Variants in RAB21 observed in about 807,000 individuals in gnomAD.
RAB21 encodes the protein ras-related protein Rab-21.
RAB21 carries 13 observed loss-of-function variants against 33.1 expected under a neutral mutation model. The observed-to-expected ratio is 0.39, with a 90% confidence interval of 0.26 to 0.62. The LOEUF is 0.62. RAB21 is among the 20% of genes least tolerant of loss of function. The pLI is 0.48. For missense variants in RAB21, 234 were observed against 279.1 expected (o/e 0.84, Z 1.15); for synonymous variants, 91 against 103.7 (o/e 0.88, Z 0.74).
At chr12:71,769,890 G>T in intron 2 of RAB21, 31 bp downstream of exon 2, 1 of 1,205,556 alleles carries the variant, frequency 8.3e-7, no homozygotes, top group Non-Finnish European at 1.1e-6. Flanking sequence ...ATTATGCGTG[G>T]AGGCTTCTTC....
In RAB21 at chr12:71,788,400, A is replaced by C. The variant is rs904638538; in HGVS notation, c.*2727A>C. Reference sequence around the variant, plus strand: ...GGGGCCTGTAATTGAGGCTAATTCAATAGCAACAATAGACAACATGATATG... The same window carrying C: ...GGGGCCTGTAATTGAGGCTAATTCACTAGCAACAATAGACAACATGATATG... On this transcript the variant is annotated 3_prime_UTR_variant, in exon 7 of 7. Coordinates refer to ENST00000261263, the MANE Select transcript of RAB21 (RefSeq NM_014999.4). 4 of 152,090 alleles carry C rather than the reference A, an allele frequency of 2.6e-5. No homozygotes were observed. Among genetic ancestry groups the C allele is most frequent in the Non-Finnish European group, 5.9e-5 (4 of 68,014 alleles). The allele number at this position is 152,090 out of a possible 1,614,324, so 9.4% of individuals were successfully genotyped here. A position where few individuals can be genotyped will look rare whatever the true frequency, so the allele number is the denominator to read the frequency against.
Position 71,785,630 on chromosome 12 carries a change from C to G in RAB21, c.635C>G (p.Pro212Arg). The G allele has an allele frequency of 6.2e-7, 1 of 1,614,126 alleles. No individual in the cohort carries two copies. The highest frequency in any genetic ancestry group is 8.5e-7 in the Non-Finnish European group (1 of 1,180,018). The change falls in exon 7 of 7, where the codon CCT becomes CGT. Residue 212 changes from proline (P) to arginine (R), a missense_variant. Physicochemically the swap from Pro to Arg is moderately radical, Grantham distance 103 (BLOSUM62 -2). Coordinates refer to ENST00000261263, the MANE Select transcript of RAB21 (RefSeq NM_014999.4). ...GGTGTACAGATTATTGATGATGAAC[C>G]TCAAGCCCAGACCAGTGGTGGAGGG... is the stretch of plus-strand genomic sequence containing the variant. ...RRGVQIIDDE[P>R]QAQTSGGGCC...
intron 1 of RAB21, among the ~76,000 whole-genome samples, chr12:71,761,702 T>TAAATTTA (rs1348221426): frequency 1.3e-5 from 2 of 151,974 alleles, no homozygotes; most frequent in African/African-American, 4.8e-5. Context: ...AAAAAATAAA[T>TAAATTTA]AAATTTAAAA....
chr12:71,759,649 A>ACTC (rs1882840971), intron 1 of RAB21, among the ~76,000 whole-genome samples: 1 of 152,208 alleles, frequency 6.6e-6, no homozygotes. Context: ...GTAAACATTT[A>ACTC]CTCCAGCATT....
At chr12:71,781,120 T>A (rs1399380604) in intron 4 of RAB21, among the ~76,000 whole-genome samples, 1 of 152,192 alleles carries the variant, frequency 6.6e-6, no homozygotes, top group East Asian at 1.9e-4. Flanking sequence ...TAAATCTGCA[T>A]GATATACATA....
Position 71,754,959 on chromosome 12 carries a change from C to T in RAB21, c.-171C>T. 1.9e-6 allele frequency: 1 copy of T among 530,226 alleles called. No individual in the cohort carries two copies. Among genetic ancestry groups the T allele is most frequent in the Non-Finnish European group, 2.4e-6 (1 of 411,118 alleles). 32.8% of individuals were successfully genotyped at this position (530,226 alleles called of 1,614,324 possible). ...GTGGTGGGCTGGGGCCCTTCATTCTCGGACTTTCCCTCAGCCCTTCCAGGC... is the reference window on the plus strand; with the variant it reads ...GTGGTGGGCTGGGGCCCTTCATTCTTGGACTTTCCCTCAGCCCTTCCAGGC... On this transcript the variant is annotated 5_prime_UTR_variant, in exon 1 of 7. Coordinates refer to ENST00000261263, the MANE Select transcript of RAB21 (RefSeq NM_014999.4).
Position 71,795,524 on chromosome 12 carries a change from G to C in RAB21, c.*9851G>C, listed in dbSNP as rs1185919185. Reference sequence around the variant, plus strand: ...TTAAGGTTAACTAATACCTCTTTCAGAGTTGGGCAAAAGAAGAAAAAAAAA... The same window carrying C: ...TTAAGGTTAACTAATACCTCTTTCACAGTTGGGCAAAAGAAGAAAAAAAAA... On this transcript the variant is annotated 3_prime_UTR_variant, in exon 7 of 7. Coordinates refer to ENST00000261263, the MANE Select transcript of RAB21 (RefSeq NM_014999.4). The C allele has an allele frequency of 1.5e-5, 2 of 136,620 alleles. 1 individual carries two copies. Among genetic ancestry groups the C allele is most frequent in the African/African-American group, 5.9e-5 (2 of 33,714 alleles). 8.5% of individuals were successfully genotyped at this position (136,620 alleles called of 1,614,324 possible).
At chr12:71,769,306 A>C (rs1331099396) in intron 1 of RAB21, among the ~76,000 whole-genome samples, 2 of 152,336 alleles carry the variant, frequency 1.3e-5, no homozygotes, top group South Asian at 2.1e-4. Context: ...TAAAGGGTAG[A>C]ACCGTGTCCC....
Position 71,769,794 on chromosome 12 carries a change from T to C in RAB21, c.160-6T>C. 7.5e-7 allele frequency: 1 copy of C among 1,339,494 alleles called. No individual in the cohort carries two copies. Among genetic ancestry groups the C allele is most frequent in the Non-Finnish European group, 1.0e-6 (1 of 999,022 alleles). 83.0% of individuals were successfully genotyped at this position (1,339,494 alleles called of 1,614,324 possible). A position where few individuals can be genotyped will look rare whatever the true frequency, so the allele number is the denominator to read the frequency against. On this transcript the variant is annotated splice_region_variant and splice_polypyrimidine_tract_variant and intron_variant, in intron 1 of 6. Coordinates refer to ENST00000261263, the MANE Select transcript of RAB21 (RefSeq NM_014999.4). Reference sequence around the variant, plus strand: ...AACATTGTTTAATGTTTATTTCTCTTTTTAGGCATCATTCTTAACAAAGAA... The same window carrying C: ...AACATTGTTTAATGTTTATTTCTCTCTTTAGGCATCATTCTTAACAAAGAA...
rs1883391299 is a variant in RAB21, at chr12:71,791,954, T to C, written c.*6281T>C. ...ATCATAGCTCATTGCAGCCTCAAAC[T>C]CCTGGGCTTAAGCAATCCTCCCACC... On this transcript the variant is annotated 3_prime_UTR_variant, in exon 7 of 7. Coordinates refer to ENST00000261263, the MANE Select transcript of RAB21 (RefSeq NM_014999.4). The C allele has an allele frequency of 6.6e-6, 1 of 152,204 alleles. No homozygotes were observed. Among genetic ancestry groups the C allele is most frequent in the Non-Finnish European group, 1.5e-5 (1 of 68,078 alleles). 9.4% of individuals were successfully genotyped at this position (152,204 alleles called of 1,614,324 possible). A position where few individuals can be genotyped will look rare whatever the true frequency, so the allele number is the denominator to read the frequency against.
rs190109142 is a variant in RAB21 at position 71,783,345 on chromosome 12, T to C, written c.535+687T>C. Among the ~76,000 whole-genome samples, 339 of 152,062 alleles carry C rather than the reference T, an allele frequency of 2.2e-3. 3 individuals are homozygous for C. The highest frequency in any genetic ancestry group is 7.5e-3 in the African/African-American group (312 of 41,540). ...ATTTATATATATTCTGAAAATCATT[T>C]CTTATATTACCAATAAAATGCATAT... is the stretch of plus-strand genomic sequence containing the variant. On this transcript the variant is annotated intron_variant, in intron 6 of 6. Transcript: ENST00000261263.
intron 2 of RAB21, 156 bp from the exon 3 acceptor site, chr12:71,770,436 T>C (rs1256620031): frequency 3.3e-6 from 2 of 608,210 alleles, no homozygotes; most frequent in Non-Finnish European, 5.8e-6. Context: ...AAATTTTGTG[T>C]GTGGCCTGTT....
intron 6 of RAB21, among the ~76,000 whole-genome samples, chr12:71,783,718 T>C (rs1419882216): frequency 6.6e-6 from 1 of 152,146 alleles, no homozygotes; most frequent in Non-Finnish European, 1.5e-5. Context: ...GAGCCAATGC[T>C]GTACATAACA....
rs571671663 is a variant in RAB21 at position 71,757,204 on chromosome 12, G to A, written c.159+1916G>A. 7.9e-5 allele frequency among the ~76,000 whole-genome samples: 12 copies of A among 152,170 alleles called. 1 individual carries two copies. In the South Asian group the frequency reaches 1.9e-3, roughly 24 times the overall value. ...ACTCACTGCAACCTCCACCTCCTGG[G>A]TCAAGTGATTCTCCTGCGTCAACCT... On this transcript the variant is annotated intron_variant, in intron 1 of 6. Transcript: ENST00000261263.
rs1029507007 is a variant in RAB21, at chr12:71,793,874, G to A, written c.*8201G>A. Reference sequence around the variant, plus strand: ...TACTTTGGTATGTTGCCTTGAGGCTGACATTTGCTGCTCTGCTAAGACTAA... The same window carrying A: ...TACTTTGGTATGTTGCCTTGAGGCTAACATTTGCTGCTCTGCTAAGACTAA... On this transcript the variant is annotated 3_prime_UTR_variant, in exon 7 of 7. Transcript: ENST00000261263. 7 of 152,222 alleles carry A rather than the reference G, an allele frequency of 4.6e-5. No individual in the cohort carries two copies. Among genetic ancestry groups the A allele is most frequent in the African/African-American group, 1.7e-4 (7 of 41,444 alleles). The allele number at this position is 152,222 out of a possible 1,614,324, so 9.4% of individuals were successfully genotyped here.
At chr12:71,775,139 CCTTTTT>C (rs912764411) in intron 4 of RAB21, among the ~76,000 whole-genome samples, 50 of 152,178 alleles carry the variant, frequency 3.3e-4, no homozygotes, top group Middle Eastern at 3.4e-3. Flanking sequence ...TCTTTGGTTC[CCTTTTT>C]CTTTAGATTA....
chr12:71,765,854 T>C (rs1180575899), intron 1 of RAB21, among the ~76,000 whole-genome samples: 6 of 152,086 alleles, frequency 3.9e-5, no homozygotes, highest in African/African-American at 1.4e-4. Context: ...TGTTTCAGCT[T>C]TCTTCTTAAA....
Position 71,755,285 on chromosome 12 carries a change from G to A in RAB21, c.156G>A (p.Leu52=). Residue 52 remains leucine (L), a synonymous_variant, in exon 1 of 7, where the codon CTG becomes CTA. Transcript: ENST00000261263. The stretch of plus-strand genomic sequence containing the variant: ...TTAACGACAAGCACATCACCACTCT[G>A]CAGGTGCGGACCTCGGGGAGCGGGA... ...NKFNDKHITT[L]QASFLTKKLN... 1 of 1,521,140 alleles carries A rather than the reference G, an allele frequency of 6.6e-7. No individual in the cohort carries two copies. The highest frequency in any genetic ancestry group is 2.8e-5 in the East Asian group (1 of 35,702). 94.2% of individuals were successfully genotyped at this position (1,521,140 alleles called of 1,614,324 possible).
At chr12:71,760,394 G>A (rs868810155) in intron 1 of RAB21, among the ~76,000 whole-genome samples, 1 of 152,120 alleles carries the variant, frequency 6.6e-6, no homozygotes, top group Non-Finnish European at 1.5e-5. Context: ...CCAAGCTCTC[G>A]TGTGATTTCC....
Sources: gnomAD v4.1 joint callset for allele counts (sites outside exome capture counted in the v4.1 genomes callset) on GRCh38, gnomAD v4.1.1 for gene constraint, MANE v1.5 for transcripts, NCBI Gene and HGNC (gene_info 2026-07-23, HGNC 2026-07-21) for gene names.